CLEC4D: variants seen among roughly 807,000 people sequenced by gnomAD.
CLEC4D encodes the protein C-type lectin domain family 4 member D.
In CLEC4D, 21 loss-of-function variants were observed where a neutral mutation model predicts 21.1. The ratio of observed to expected loss-of-function variants is 1.00; its 90% CI spans 0.71 to 1.43. The LOEUF (loss-of-function observed/expected upper bound fraction) is 1.43. Among genes scored for constraint, CLEC4D ranks in the 40% most tolerant of loss-of-function variants. The probability of loss-of-function intolerance (pLI) is 0.00; values close to 1 mark genes in which losing one functional copy is unlikely to be tolerated. For synonymous variants in CLEC4D, 85 were observed against 83.1 expected (o/e 1.02, Z -0.12); for missense variants, 289 against 260.7 (o/e 1.11, Z -0.75).
chr12:8,518,912 C>G, intron 3 of CLEC4D, 97 bp from the exon 4 acceptor site: 8 of 1,450,476 alleles, frequency 5.5e-6, no homozygotes, highest in Non-Finnish European at 6.4e-6. Context: ...ATTATTCTCA[C>G]AAATATTAAT....
intron 1 of CLEC4D, among the ~76,000 whole-genome samples, chr12:8,514,817 T>C (rs1940354912): frequency 1.3e-5 from 2 of 152,282 alleles, no homozygotes; most frequent in South Asian, 2.1e-4. Context: ...TCAGCAAATT[T>C]CCTGCTCAGA....
At chr12:8,523,859 T>G (rs1565493380), downstream of CLEC4D, among the ~76,000 whole-genome samples, 1 of 152,218 alleles carries the variant, frequency 6.6e-6, no homozygotes, top group Admixed American at 6.5e-5. Flanking sequence ...CTCTTATTAT[T>G]TGAGATACGT....
At chr12:8,514,462 T>C (rs944272277) in intron 1 of CLEC4D, among the ~76,000 whole-genome samples, 6 of 152,144 alleles carry the variant, frequency 3.9e-5, no homozygotes, top group Non-Finnish European at 8.8e-5. Context: ...TTTTGAGAAG[T>C]ACTGCAATGA....
chr12:8,530,268 A>T, the CLEC4D span, among the ~76,000 whole-genome samples: 5 of 152,310 alleles, frequency 3.3e-5, no homozygotes, highest in Middle Eastern at 3.4e-3. Flanking sequence ...TAAGAACAAA[A>T]CTATAGCAGC....
At chr12:8,517,617 C>T (rs1940398006) in intron 2 of CLEC4D, among the ~76,000 whole-genome samples, 1 of 152,158 alleles carries the variant, frequency 6.6e-6, no homozygotes, top group African/African-American at 2.4e-5. Flanking sequence ...TGCTTGCAAG[C>T]ATGTGCACAT....
chr12:8,521,416 A>C lies in CLEC4D; in HGVS notation c.*145A>C. ...ATAATGGTCTTTTTTATTTTGTTTG[A>C]TTCATTCGAGACAACATGTGTGTAT... On this transcript the variant is annotated 3_prime_UTR_variant, in exon 6 of 6. Transcript: ENST00000299665. 1 of 1,413,886 alleles carries C rather than the reference A, an allele frequency of 7.1e-7. No individual in the cohort carries two copies. Among genetic ancestry groups the C allele is most frequent in the South Asian group, 1.6e-5 (1 of 64,128 alleles). The allele number at this position is 1,413,886 out of a possible 1,614,324, so 87.6% of individuals were successfully genotyped here. A position where few individuals can be genotyped will look rare whatever the true frequency, so the allele number is the denominator to read the frequency against.
chr12:8,521,595 T>C lies in CLEC4D; in HGVS notation c.*324T>C, dbSNP rs909894329. On this transcript the variant is annotated 3_prime_UTR_variant, in exon 6 of 6. Coordinates refer to ENST00000299665, the MANE Select transcript of CLEC4D (RefSeq NM_080387.5). ...TGGAAGAATAGCGTGAATAATGCAA[T>C]CTCTTTGTCATTTTTCCCCTTCTCA... The C allele has an allele frequency of 5.1e-6, 1 of 195,332 alleles. No homozygotes were observed. The highest frequency in any genetic ancestry group is 6.2e-5 in the Admixed American group (1 of 16,182). The allele number at this position is 195,332 out of a possible 1,614,324, so 12.1% of individuals were successfully genotyped here. A position where few individuals can be genotyped will look rare whatever the true frequency, so the allele number is the denominator to read the frequency against.
At chr12:8,529,518 T>C in the CLEC4D span, among the ~76,000 whole-genome samples, 1 of 152,012 alleles carries the variant, frequency 6.6e-6, no homozygotes, top group South Asian at 2.1e-4. Context: ...GGGAAGCCGA[T>C]ATGGGAGGAT....
At position 8,521,438 on chromosome 12, in the gene CLEC4D, GTA is replaced by G. The variant is rs1319783940; in HGVS notation, c.*169_*170del. On this transcript the variant is annotated 3_prime_UTR_variant, in exon 6 of 6. Coordinates refer to ENST00000299665, the MANE Select transcript of CLEC4D (RefSeq NM_080387.5). Reference sequence around the variant, plus strand: ...TTGATTCATTCGAGACAACATGTGTGTATGTGTGTGTGTGTGTGTGTAGATAA... The same window carrying G: ...TTGATTCATTCGAGACAACATGTGTGTGTGTGTGTGTGTGTGTGTAGATAA... The G allele has an allele frequency of 2.1e-5, 28 of 1,357,044 alleles. No homozygotes were observed. The highest frequency in any genetic ancestry group is 2.3e-5 in the Non-Finnish European group (24 of 1,041,142). 84.1% of individuals were successfully genotyped at this position (1,357,044 alleles called of 1,614,324 possible).
downstream of CLEC4D, among the ~76,000 whole-genome samples, chr12:8,525,713 A>G (rs1162166333): frequency 6.6e-6 from 1 of 152,058 alleles, no homozygotes. Flanking sequence ...TTATGTGTGA[A>G]TTTGATCCCA....
At chr12:8,530,547 G>T in the CLEC4D span, among the ~76,000 whole-genome samples, 4 of 148,054 alleles carry the variant, frequency 2.7e-5, no homozygotes, top group Non-Finnish European at 5.9e-5. Context: ...TTATCATTTT[G>T]ACATGTAATC....
Position 8,518,219 on chromosome 12 carries a change from G to A in CLEC4D, c.177G>A (p.Glu59=), listed in dbSNP as rs138087450. The A allele has an allele frequency of 1.7e-3, 2,402 of 1,451,264 alleles. 7 individuals carry two copies. The highest frequency in any genetic ancestry group is 3.9e-3 in the South Asian group (340 of 87,422). The allele number at this position is 1,451,264 out of a possible 1,614,324, so 89.9% of individuals were successfully genotyped here. A position where few individuals can be genotyped will look rare whatever the true frequency, so the allele number is the denominator to read the frequency against. ...CKRGTGVHKL[E]HHAKLKCIKE... The stretch of plus-strand genomic sequence containing the variant: ...GAGGCACAGGAGTGCACAAGTTAGA[G>A]CACCATGCAAAGCTCAAATGCATCA... Residue 59 remains glutamate (E), a synonymous_variant, in exon 3 of 6, where the codon GAG becomes GAA. Coordinates refer to ENST00000299665, the MANE Select transcript of CLEC4D (RefSeq NM_080387.5).
Position 8,520,209 on chromosome 12 carries a change from T to C in CLEC4D, c.385-17T>C. On this transcript the variant is annotated splice_polypyrimidine_tract_variant and intron_variant, in intron 4 of 5. Coordinates refer to ENST00000299665, the MANE Select transcript of CLEC4D (RefSeq NM_080387.5). ...CCTGATTCATGCAACTATATTAAAA[T>C]TTACATTTTTATGCAGAACTTTATT... The C allele has an allele frequency of 6.2e-7, 1 of 1,612,506 alleles. No homozygotes were observed. The highest frequency in any genetic ancestry group is 2.2e-5 in the East Asian group (1 of 44,836).
chr12:8,521,203 T>C lies in CLEC4D; in HGVS notation c.580T>C (p.Trp194Arg), dbSNP rs145735440. 1.4e-4 allele frequency: 223 copies of C among 1,613,702 alleles called. No homozygotes were observed. In the African/African-American group the frequency reaches 2.6e-3, roughly 19 times the overall value. The change falls in exon 6 of 6, where the codon TGG becomes CGG. Residue 194 changes from tryptophan to arginine, a missense_variant. By Grantham distance (101) the Trp-to-Arg change is moderately radical (BLOSUM62 -3). Coordinates refer to ENST00000299665, the MANE Select transcript of CLEC4D (RefSeq NM_080387.5). Reference protein sequence around the residue: ...VLVYNQDKWAWNDVPCNFEAS... With the variant: ...VLVYNQDKWARNDVPCNFEAS... ...TGTTTATAACCAAGATAAATGGGCC[T>C]GGAATGATGTTCCTTGTAACTTTGA...
downstream of CLEC4D, among the ~76,000 whole-genome samples, chr12:8,526,486 G>C (rs1397266325): frequency 3.3e-5 from 5 of 152,054 alleles, no homozygotes. Flanking sequence ...TTTGGCTGTT[G>C]ATACTTTATA....
Position 8,515,353 on chromosome 12 carries a change from T to A in CLEC4D, c.121+25T>A, listed in dbSNP as rs377429431. ...GGTAAGTTATTAGCCAAAGTAGAACTCTTCTTGAATTATTATTTCCAAACA... is the reference window on the plus strand; with the variant it reads ...GGTAAGTTATTAGCCAAAGTAGAACACTTCTTGAATTATTATTTCCAAACA... On this transcript the variant is annotated intron_variant, in intron 2 of 5. Transcript: ENST00000299665. The A allele has an allele frequency of 5.9e-5, 59 of 995,286 alleles. 1 individual carries two copies. The highest frequency in any genetic ancestry group is 2.9e-4 in the Admixed American group (17 of 58,690). 61.7% of individuals were successfully genotyped at this position (995,286 alleles called of 1,614,324 possible).
chr12:8,527,245 G>A (rs373072592), downstream of CLEC4D, among the ~76,000 whole-genome samples: 7 of 152,302 alleles, frequency 4.6e-5, no homozygotes, highest in African/African-American at 1.4e-4. Context: ...TTTTGCTGGG[G>A]TTAAACCCAC....
the CLEC4D span, among the ~76,000 whole-genome samples, chr12:8,530,036 ATG>A: frequency 1.3e-5 from 2 of 152,232 alleles, no homozygotes; most frequent in African/African-American, 4.8e-5. Context: ...TTTTTAAACA[ATG>A]TGCATATATG....
At chr12:8,520,118 G>C (rs1335328009) in intron 4 of CLEC4D, 108 bp from the exon 5 acceptor site, 1 of 1,459,644 alleles carries the variant, frequency 6.9e-7, no homozygotes, top group Non-Finnish European at 9.1e-7. Context: ...TCTGATGCCA[G>C]AGCTTTTGTG....
Sources: gnomAD v4.1 joint callset for allele counts (sites outside exome capture counted in the v4.1 genomes callset) on GRCh38, gnomAD v4.1.1 for gene constraint, MANE v1.5 for transcripts, NCBI Gene and HGNC (gene_info 2026-07-23, HGNC 2026-07-21) for gene names.